The following CNTN6 variants were observed in gnomAD, a reference collection of about 807,000 sequenced individuals.
CNTN6 encodes the protein contactin 6.
In CNTN6, 137 loss-of-function variants were observed where a neutral mutation model predicts 122.8. The ratio of observed to expected loss-of-function variants is 1.12; its 90% CI spans 0.97 to 1.29. CNTN6 has a LOEUF of 1.29. CNTN6 is among the 50% of genes most tolerant of loss of function. The pLI, the probability that CNTN6 is intolerant of heterozygous loss-of-function variation, is 0.00. For missense variants in CNTN6, 1,634 were observed against 1,223.4 expected (o/e 1.34, Z -5.01); for synonymous variants, 570 against 426.0 (o/e 1.34, Z -4.16).
chr3:1,295,821 T>C lies in CNTN6; in HGVS notation c.658+17T>C. On this transcript the variant is annotated intron_variant, in intron 6 of 22. Coordinates refer to ENST00000446702, the MANE Select transcript of CNTN6 (RefSeq NM_001289080.2). ...GCACTGATGGTAAGATAATGAGTTATCTTGGGAATGTACTTTATCTTTGGC... is the reference window on the plus strand; with the variant it reads ...GCACTGATGGTAAGATAATGAGTTACCTTGGGAATGTACTTTATCTTTGGC... 1 of 1,605,386 alleles carries C rather than the reference T, an allele frequency of 6.2e-7. No homozygotes were observed. Among genetic ancestry groups the C allele is most frequent in the Non-Finnish European group, 8.5e-7 (1 of 1,172,584 alleles).
At chr3:1,251,394 C>T (rs1044382040) in intron 4 of CNTN6, among the ~76,000 whole-genome samples, 2 of 152,184 alleles carry the variant, frequency 1.3e-5, no homozygotes, top group African/African-American at 4.8e-5. Flanking sequence ...ACAACTACTC[C>T]TGTCCTTCTC....
chr3:1,300,466 A>AGGAC (rs201364662), intron 7 of CNTN6, among the ~76,000 whole-genome samples: 1 of 83,076 alleles, frequency 1.2e-5, no homozygotes, highest in Non-Finnish European at 2.5e-5. Context: ...GAAGGAAGGA[A>AGGAC]GGAAGGAAGG....
At chr3:1,115,471 C>A (rs569280723) in intron 1 of CNTN6, among the ~76,000 whole-genome samples, 54 of 152,200 alleles carry the variant, frequency 3.5e-4, no homozygotes, top group African/African-American at 1.0e-3. Context: ...ACAAAAGGGC[C>A]GGGTACGGTG....
chr3:1,353,591 A>G (rs1028889683), intron 12 of CNTN6, among the ~76,000 whole-genome samples: 2 of 151,658 alleles, frequency 1.3e-5, no homozygotes, highest in African/African-American at 2.4e-5. Flanking sequence ...GTGTTTCAAG[A>G]TAGATGTTAT....
chr3:1,399,693 C>T (rs1245056439), intron 20 of CNTN6, among the ~76,000 whole-genome samples: 1 of 152,030 alleles, frequency 6.6e-6, no homozygotes, highest in African/African-American at 2.4e-5. Flanking sequence ...CACCACAGGG[C>T]CCTGAACAGT....
At chr3:1,325,737 C>T in intron 8 of CNTN6, 78 bp from the exon 9 acceptor site, 2 of 1,512,950 alleles carry the variant, frequency 1.3e-6, no homozygotes, top group East Asian at 2.3e-5. Flanking sequence ...CTTCTGATCT[C>T]TACAGCCCTT....
At chr3:1,267,880 C>G (rs545512192) in intron 4 of CNTN6, among the ~76,000 whole-genome samples, 1 of 150,220 alleles carries the variant, frequency 6.7e-6, no homozygotes, top group African/African-American at 2.5e-5. Flanking sequence ...CCTCACATTT[C>G]TTTCTGAAAA....
intron 6 of CNTN6, among the ~76,000 whole-genome samples, 178 bp downstream of exon 6, chr3:1,295,982 G>A (rs1407508027): frequency 6.6e-6 from 1 of 152,182 alleles, no homozygotes; most frequent in Non-Finnish European, 1.5e-5. Context: ...CCCACATGGT[G>A]CAGTAGACAT....
chr3:1,306,420 G>A (rs1194268023), intron 7 of CNTN6, among the ~76,000 whole-genome samples: 1 of 152,102 alleles, frequency 6.6e-6, no homozygotes, highest in Non-Finnish European at 1.5e-5. Context: ...CAATTATTCA[G>A]AAATTGAAAG....
chr3:1,314,219 T>C (rs1699788888), intron 7 of CNTN6, among the ~76,000 whole-genome samples: 1 of 152,120 alleles, frequency 6.6e-6, no homozygotes. Flanking sequence ...CCAAGCTCTT[T>C]GTATGAATAT....
chr3:1,115,206 G>A (rs968819883), intron 1 of CNTN6, among the ~76,000 whole-genome samples: 2 of 152,112 alleles, frequency 1.3e-5, no homozygotes, highest in African/African-American at 4.8e-5. Flanking sequence ...AAATTCCCCA[G>A]TAAAAACCAG....
intron 4 of CNTN6, among the ~76,000 whole-genome samples, chr3:1,268,778 G>A (rs893120378): frequency 1.1e-4 from 17 of 151,768 alleles, no homozygotes; most frequent in Middle Eastern, 3.4e-3. Context: ...AATATGTCTC[G>A]TTACATCATC....
chr3:1,264,485 C>A (rs1017089981), intron 4 of CNTN6, among the ~76,000 whole-genome samples: 2 of 152,138 alleles, frequency 1.3e-5, no homozygotes, highest in African/African-American at 4.8e-5. Context: ...TGGTTGATGT[C>A]ATTTGGGACT....
At chr3:1,361,739 A>G (rs969308628) in intron 12 of CNTN6, among the ~76,000 whole-genome samples, 1 of 152,152 alleles carries the variant, frequency 6.6e-6, no homozygotes, top group African/African-American at 2.4e-5. Flanking sequence ...CACCACAAAT[A>G]TTGTTAAAAT....
At chr3:1,192,936 C>G (rs1037977129) in intron 2 of CNTN6, among the ~76,000 whole-genome samples, 1 of 152,130 alleles carries the variant, frequency 6.6e-6, no homozygotes, top group Non-Finnish European at 1.5e-5. Context: ...TCCATGTGTG[C>G]AAGAGGCTAA....
intron 1 of CNTN6, among the ~76,000 whole-genome samples, chr3:1,099,892 G>A (rs1343440390): frequency 2.6e-5 from 4 of 151,618 alleles, no homozygotes; most frequent in East Asian, 1.9e-4. Flanking sequence ...TCCCTTTATC[G>A]TATTTTAGTA....
At chr3:1,365,580 CTGTA>C (rs1489612725) in intron 12 of CNTN6, among the ~76,000 whole-genome samples, 1 of 151,996 alleles carries the variant, frequency 6.6e-6, no homozygotes, top group Non-Finnish European at 1.5e-5. Flanking sequence ...TGTACGAACA[CTGTA>C]TGTATCAAGA....
At chr3:1,336,304 A>ATT (rs11417291) in intron 11 of CNTN6, among the ~76,000 whole-genome samples, 12 of 151,158 alleles carry the variant, frequency 7.9e-5, no homozygotes, top group East Asian at 2.0e-4. Flanking sequence ...ATTAAAGCAC[A>ATT]TTTTTTTTTC....
chr3:1,403,330 G>C lies in CNTN6; in HGVS notation c.2999G>C (p.Arg1000Thr). The change falls in exon 23 of 23, where the codon AGA becomes ACA. Residue 1000 changes from arginine to threonine, a missense_variant. Transcript: ENST00000446702. ...RIPKMSSLSS[R>T]GIQFLEPSTH... ...TTATATTTTGCAGGTTTGAGTTCCAGAGGAATTCAATTCTTAGAACCTAGC... is the reference window on the plus strand; with the variant it reads ...TTATATTTTGCAGGTTTGAGTTCCACAGGAATTCAATTCTTAGAACCTAGC... 1 of 1,605,346 alleles carries C rather than the reference G, an allele frequency of 6.2e-7. No homozygotes were observed. The highest frequency in any genetic ancestry group is 8.5e-7 in the Non-Finnish European group (1 of 1,174,332).
Sources: gnomAD v4.1 joint callset for allele counts (sites outside exome capture counted in the v4.1 genomes callset) on GRCh38, gnomAD v4.1.1 for gene constraint, MANE v1.5 for transcripts, NCBI Gene and HGNC (gene_info 2026-07-23, HGNC 2026-07-21) for gene names.